The following CACNB4 variants were observed in gnomAD, a reference collection of about 807,000 sequenced individuals.
CACNB4 encodes the protein voltage-dependent L-type calcium channel subunit beta-4.
A neutral mutation model predicts 71.2 loss-of-function variants in CACNB4; 32 were observed. The ratio of observed to expected loss-of-function variants is 0.45; its 90% CI spans 0.34 to 0.60. The LOEUF (loss-of-function observed/expected upper bound fraction) is 0.60, where lower values mean the gene tolerates loss of function less well. Among genes scored for constraint, CACNB4 ranks in the 20% least tolerant of loss-of-function variants. CACNB4 has a pLI of 0.01. For missense variants in CACNB4, 464 were observed against 647.9 expected (o/e 0.72, Z 3.08); for synonymous variants, 231 against 236.9 (o/e 0.97, Z 0.23).
intron 2 of CACNB4, among the ~76,000 whole-genome samples, chr2:152,082,987 A>C (rs1311999583): frequency 1.3e-5 from 2 of 152,194 alleles, no homozygotes; most frequent in African/African-American, 4.8e-5. Context: ...AAGTGACTGA[A>C]AGTTGTGGTA....
rs2099836288 is a variant in CACNB4 at position 151,841,775 on chromosome 2, T to C, written c.1302+128A>G. ...TCATAATTAGATAATATTTAAGATTTTTAAATATAATGTGCACATAGTGTT... is the reference window on the plus strand; with the variant it reads ...TCATAATTAGATAATATTTAAGATTCTTAAATATAATGTGCACATAGTGTT... On this transcript the variant is annotated intron_variant, in intron 13 of 13. Transcript: ENST00000539935. The C allele has an allele frequency of 1.1e-5, 8 of 751,730 alleles. No individual in the cohort carries two copies. The Admixed American group carries it at 1.9e-4, about 18-fold the overall frequency. 46.6% of individuals were successfully genotyped at this position (751,730 alleles called of 1,614,324 possible). A position where few individuals can be genotyped will look rare whatever the true frequency, so the allele number is the denominator to read the frequency against.
Position 152,028,071 on chromosome 2 carries a change from G to A in CACNB4, c.147+70259C>T, listed in dbSNP as rs138601889. On this transcript the variant is annotated intron_variant, in intron 2 of 13. Coordinates refer to ENST00000539935, the MANE Select transcript of CACNB4 (RefSeq NM_000726.5). ...GTTGACACCTGCTCCCTTCTACAAG[G>A]GCAATCACAAGACAAGGATCGCCTG... Among the ~76,000 whole-genome samples the A allele has an allele frequency of 1.8e-3, 268 of 152,128 alleles. 1 individual carries two copies. Among genetic ancestry groups the A allele is most frequent in the African/African-American group, 6.2e-3 (258 of 41,510 alleles).
chr2:152,098,839 C>A lies in CACNB4; in HGVS notation c.63+110G>T, dbSNP rs1688434649. 2 of 986,250 alleles carry A rather than the reference C, an allele frequency of 2.0e-6. No homozygotes were observed. The highest frequency in any genetic ancestry group is 3.0e-5 in the East Asian group (1 of 33,534). The allele number at this position is 986,250 out of a possible 1,614,324, so 61.1% of individuals were successfully genotyped here. A position where few individuals can be genotyped will look rare whatever the true frequency, so the allele number is the denominator to read the frequency against. On this transcript the variant is annotated intron_variant, in intron 1 of 13. Coordinates refer to ENST00000539935, the MANE Select transcript of CACNB4 (RefSeq NM_000726.5). This position sits in a 1 kb window ranked among gnomAD's most constrained non-coding sequence, Gnocchi z 5.3. ...TGGGGGGAGCGGGGCCGCCGACTCC[C>A]GGGACTGGGGCCCCGCACGCCCGGC...
chr2:152,092,568 A>G (rs1047948273), intron 2 of CACNB4, among the ~76,000 whole-genome samples: 11 of 145,756 alleles, frequency 7.5e-5, no homozygotes, highest in African/African-American at 2.8e-4. Flanking sequence ...TCCATTCCAT[A>G]TGCTCTTTTT....
intron 2 of CACNB4, among the ~76,000 whole-genome samples, chr2:152,020,384 T>C (rs1367936310): frequency 1.3e-5 from 2 of 152,132 alleles, no homozygotes; most frequent in Non-Finnish European, 2.9e-5. Flanking sequence ...AATTTGGCAA[T>C]GAAGTTGTGA....
chr2:151,903,748 T>C (rs1005855081), intron 2 of CACNB4, among the ~76,000 whole-genome samples: 5 of 152,210 alleles, frequency 3.3e-5, no homozygotes, highest in Non-Finnish European at 7.3e-5. Context: ...AGGTACATAC[T>C]CTGAAAGCTC....
At chr2:152,058,648 T>A (rs1280601945) in intron 2 of CACNB4, among the ~76,000 whole-genome samples, 2 of 152,154 alleles carry the variant, frequency 1.3e-5, no homozygotes, top group African/African-American at 4.8e-5. Context: ...AGCATAAAAG[T>A]TTGGAAAATT....
At chr2:151,882,015 G>A (rs1330622318) in intron 3 of CACNB4, among the ~76,000 whole-genome samples, 1 of 151,278 alleles carries the variant, frequency 6.6e-6, no homozygotes, top group African/African-American at 2.4e-5. Context: ...CGAGTAGCTG[G>A]GATTACAGGT....
intron 2 of CACNB4, chr2:151,967,743 G>A (rs2099871544): frequency 6.6e-6 from 1 of 151,852 alleles, no homozygotes; most frequent in Admixed American, 6.6e-5. Flanking sequence ...CCATGTCTGA[G>A]TGGATACCTT....
At position 152,070,006 on chromosome 2, in the gene CACNB4, C is replaced by A. The variant is rs191477187; in HGVS notation, c.147+28324G>T. ...TACAGGCACCCGCCACTACGCCTGG[C>A]TAATTTTTTTGTATTTTTATTAGAG... On this transcript the variant is annotated intron_variant, in intron 2 of 13. Coordinates refer to ENST00000539935, the MANE Select transcript of CACNB4 (RefSeq NM_000726.5). 2.6e-5 allele frequency among the ~76,000 whole-genome samples: 4 copies of A among 152,020 alleles called. No homozygotes were observed. In the South Asian group the frequency reaches 8.4e-4, roughly 32 times the overall value.
rs1248597406 is a variant in CACNB4, at chr2:151,838,849, TTGA to T, written c.*267_*269del. 1 of 257,546 alleles carries T rather than the reference TTGA, an allele frequency of 3.9e-6. No individual in the cohort carries two copies. The highest frequency in any genetic ancestry group is 7.3e-6 in the Non-Finnish European group (1 of 136,288). 16.0% of individuals were successfully genotyped at this position (257,546 alleles called of 1,614,324 possible). A position where few individuals can be genotyped will look rare whatever the true frequency, so the allele number is the denominator to read the frequency against. Reference sequence around the variant, plus strand: ...CCTTGTAAGTACCCTAAATTACAAATTGATGTGTCTAAATCTATGAAGAAAACA... The same window carrying T: ...CCTTGTAAGTACCCTAAATTACAAATTGTGTCTAAATCTATGAAGAAAACA... On this transcript the variant is annotated 3_prime_UTR_variant, in exon 14 of 14. Coordinates refer to ENST00000539935, the MANE Select transcript of CACNB4 (RefSeq NM_000726.5).
chr2:152,035,651 C>CTCTCTCTCTCTATA (rs796161186), intron 2 of CACNB4, among the ~76,000 whole-genome samples: 41 of 118,070 alleles, frequency 3.5e-4, no homozygotes, highest in Non-Finnish European at 4.9e-4. Flanking sequence ...CTCTCTCTCT[C>CTCTCTCTCTCTATA]TATATATATA....
intron 2 of CACNB4, among the ~76,000 whole-genome samples, chr2:151,960,422 G>A (rs1456899713): frequency 6.6e-6 from 1 of 152,146 alleles, no homozygotes; most frequent in Non-Finnish European, 1.5e-5. Flanking sequence ...ACTGCTAAAA[G>A]CAAGGAGAAA....
chr2:152,058,942 G>A (rs962093605), intron 2 of CACNB4, among the ~76,000 whole-genome samples: 2 of 152,240 alleles, frequency 1.3e-5, no homozygotes, highest in Non-Finnish European at 2.9e-5. Context: ...GCTAAAAGGG[G>A]CGAAGGTACA....
At chr2:151,990,986 A>T (rs1056595418) in intron 2 of CACNB4, among the ~76,000 whole-genome samples, 9 of 152,250 alleles carry the variant, frequency 5.9e-5, no homozygotes, top group African/African-American at 2.2e-4. Flanking sequence ...ACAAATTTGC[A>T]GTGTGTTACA....
In CACNB4 at chr2:151,882,890, G is replaced by A. The variant is rs2151451161; in HGVS notation, c.267+361C>T. On this transcript the variant is annotated intron_variant, in intron 3 of 13. Transcript: ENST00000539935. Reference sequence around the variant, plus strand: ...CGATCCACAGAACAACAGCACACGTGTGGCCTGTAATAAAGGCTGAAGTAA... The same window carrying A: ...CGATCCACAGAACAACAGCACACGTATGGCCTGTAATAAAGGCTGAAGTAA... The A allele has an allele frequency of 8.9e-6, 3 of 336,206 alleles. No homozygotes were observed. In the East Asian group the frequency reaches 2.3e-4, roughly 26 times the overall value. The allele number at this position is 336,206 out of a possible 1,614,324, so 20.8% of individuals were successfully genotyped here. A position where few individuals can be genotyped will look rare whatever the true frequency, so the allele number is the denominator to read the frequency against.
At chr2:151,973,616 T>G in intron 2 of CACNB4, 1 of 1,505,682 alleles carries the variant, frequency 6.6e-7, no homozygotes, top group Non-Finnish European at 9.2e-7. Flanking sequence ...GAGGGGATAG[T>G]GGGAGGAGGA....
Position 151,870,832 on chromosome 2 carries a change from C to T in CACNB4, c.618+10G>A, listed in dbSNP as rs1273219953. The stretch of plus-strand genomic sequence containing the variant: ...CTTAACAGTAGATTTAAAAAGGAAA[C>T]ACAACTTACCACTTTTTGCTTCTGT... On this transcript the variant is annotated intron_variant, in intron 7 of 13. Coordinates refer to ENST00000539935, the MANE Select transcript of CACNB4 (RefSeq NM_000726.5). 1.9e-6 allele frequency: 3 copies of T among 1,599,360 alleles called. No homozygotes were observed. Among genetic ancestry groups the T allele is most frequent in the Non-Finnish European group, 2.6e-6 (3 of 1,169,972 alleles).
chr2:151,891,671 A>T (rs1219185082), intron 2 of CACNB4, among the ~76,000 whole-genome samples: 4 of 152,200 alleles, frequency 2.6e-5, no homozygotes, highest in Non-Finnish European at 5.9e-5. Flanking sequence ...TGTGAGACTA[A>T]GGAGTAACAG....
Sources: gnomAD v4.1 joint callset for allele counts (sites outside exome capture counted in the v4.1 genomes callset) on GRCh38, gnomAD v4.1.1 for gene constraint, Gnocchi (gnomAD v3.1) non-coding constraint, MANE v1.5 for transcripts, NCBI Gene and HGNC (gene_info 2026-07-23, HGNC 2026-07-21) for gene names.